SOX6: variants seen among roughly 807,000 people sequenced by gnomAD.
SOX6 encodes transcription factor SOX-6.
In SOX6, 11 loss-of-function variants were observed where a neutral mutation model predicts 97.8. That is an observed-to-expected ratio of 0.11 (90% confidence interval 0.07 to 0.19). SOX6 has a LOEUF of 0.19. Among genes scored for constraint, SOX6 ranks in the 10% least tolerant of loss-of-function variants. The pLI is 1.00. For synonymous variants in SOX6, 360 were observed against 371.4 expected (o/e 0.97, Z 0.35); for missense variants, 810 against 1,039.5 (o/e 0.78, Z 3.04).
At chr11:16,587,143 T>C (rs1185380292) in intron 4 of SOX6, among the ~76,000 whole-genome samples, 1 of 152,198 alleles carries the variant, frequency 6.6e-6, no homozygotes, top group Non-Finnish European at 1.5e-5. Flanking sequence ...GGTCTGTAGA[T>C]TACCTGGGGA....
intron 4 of SOX6, among the ~76,000 whole-genome samples, chr11:16,539,435 C>T (rs1008019193): frequency 6.6e-6 from 1 of 151,964 alleles, no homozygotes; most frequent in African/African-American, 2.4e-5. Flanking sequence ...CAAATAAATT[C>T]AAAAGCTAGC....
chr11:16,522,367 A>G (rs547315856), intron 4 of SOX6, among the ~76,000 whole-genome samples: 1 of 152,286 alleles, frequency 6.6e-6, no homozygotes, highest in East Asian at 1.9e-4. Context: ...AGAATTTCAT[A>G]TCCAGCCAAA....
Position 15,966,715 on chromosome 11 carries a change from G to C in SOX6, c.*6094C>G, listed in dbSNP as rs992574103. On this transcript the variant is annotated 3_prime_UTR_variant, in exon 16 of 16. Transcript: ENST00000683767. ...TAAGGTGCCAACATACACCAGGATA[G>C]ATAAAGACAGTGTGTCTTTCAATTT... The C allele has an allele frequency of 7.2e-5, 11 of 151,992 alleles. No individual in the cohort carries two copies. The highest frequency in any genetic ancestry group is 2.7e-4 in the African/African-American group (11 of 41,364). The allele number at this position is 151,992 out of a possible 1,614,324, so 9.4% of individuals were successfully genotyped here.
chr11:16,569,771 A>G (rs933355576), intron 4 of SOX6, among the ~76,000 whole-genome samples: 1 of 150,820 alleles, frequency 6.6e-6, no homozygotes, highest in Non-Finnish European at 1.5e-5. Context: ...CGGGAGGCTG[A>G]GGCAAGAGAA....
In SOX6 at chr11:16,573,009, C is replaced by A. The variant is rs1446637569; in HGVS notation, n.609+39072G>T. 2.0e-5 allele frequency among the ~76,000 whole-genome samples: 3 copies of A among 152,168 alleles called. No individual in the cohort carries two copies. In the East Asian group the frequency reaches 5.8e-4, roughly 29 times the overall value. ...GATCATATATATATTTAATTCCATT[C>A]TTTAAAATTTCAGTAGACAACTTCA... On this transcript the variant is annotated intron_variant and non_coding_transcript_variant, in intron 4 of 5. Coordinates refer to the SOX6 transcript ENST00000524520.
chr11:16,099,452 GA>G (rs199731781), intron 7 of SOX6, among the ~76,000 whole-genome samples: 1,836 of 151,510 alleles, frequency 0.012, 36 homozygotes, highest in African/African-American at 0.041. Context: ...AAAAATAGGG[GA>G]AAAAAATCAC....
At chr11:16,045,860 G>A (rs1036487078) in intron 12 of SOX6, among the ~76,000 whole-genome samples, 9 of 151,858 alleles carry the variant, frequency 5.9e-5, no homozygotes, top group Non-Finnish European at 1.3e-4. Context: ...TTTTTCTCAC[G>A]GCATTTATTG....
chr11:16,506,008 T>A (rs746315972), intron 4 of SOX6, among the ~76,000 whole-genome samples: 1 of 152,224 alleles, frequency 6.6e-6, no homozygotes, highest in Non-Finnish European at 1.5e-5. Flanking sequence ...TAGGGCAGCA[T>A]GGATGCAAAA....
intron 15 of SOX6, among the ~76,000 whole-genome samples, chr11:15,979,058 TATATATAA>T (rs1027130937): frequency 4.3e-5 from 6 of 140,094 alleles, no homozygotes; most frequent in African/African-American, 1.6e-4. Context: ...TATATATATA[TATATATAA>T]AACTGCTTAT....
At chr11:16,329,667 T>G (rs919481046) in intron 2 of SOX6, among the ~76,000 whole-genome samples, 20 of 152,252 alleles carry the variant, frequency 1.3e-4, no homozygotes, top group African/African-American at 4.8e-4. Flanking sequence ...CAAAGAGTTG[T>G]GGGAATTAAA....
chr11:16,424,584 G>A (rs1483228590), intron 1 of SOX6, among the ~76,000 whole-genome samples: 2 of 152,162 alleles, frequency 1.3e-5, no homozygotes, highest in Non-Finnish European at 2.9e-5. Context: ...AACAGAGATG[G>A]AACATTTCTT....
intron 3 of SOX6, among the ~76,000 whole-genome samples, chr11:16,707,469 C>T (rs1418559863): frequency 6.6e-6 from 1 of 151,786 alleles, no homozygotes; most frequent in African/African-American, 2.4e-5. Flanking sequence ...GTTTTGAATT[C>T]TTTTTCTCTG....
At chr11:16,189,031 C>G (rs1474447026) in intron 4 of SOX6, among the ~76,000 whole-genome samples, 1 of 152,058 alleles carries the variant, frequency 6.6e-6, no homozygotes. Context: ...CCACTGCACT[C>G]CAGCCTGGGT....
intron 4 of SOX6, among the ~76,000 whole-genome samples, chr11:16,198,950 G>A (rs1851862441): frequency 6.6e-6 from 1 of 152,084 alleles, no homozygotes; most frequent in Admixed American, 6.5e-5. Context: ...TACTTCCTAC[G>A]TGTCAGCTCC....
chr11:16,427,329 C>CT (rs57515414), intron 1 of SOX6, among the ~76,000 whole-genome samples: 141,847 of 146,034 alleles, frequency 0.97, 68,894 homozygotes, highest in East Asian at 0.99. Flanking sequence ...ATGCACTTTT[C>CT]TTTTTTTTTT....
chr11:16,326,842 C>T (rs1856109675), intron 2 of SOX6, among the ~76,000 whole-genome samples: 1 of 152,178 alleles, frequency 6.6e-6, no homozygotes, highest in African/African-American at 2.4e-5. Context: ...ACAGTTAAGT[C>T]AGTGGCTAAG....
At chr11:15,979,467 G>A (rs1853598895) in intron 15 of SOX6, among the ~76,000 whole-genome samples, 2 of 152,008 alleles carry the variant, frequency 1.3e-5, no homozygotes, top group African/African-American at 4.8e-5. Flanking sequence ...TAAGTCATAT[G>A]AAAGCATTCC....
At chr11:16,544,485 C>T (rs1847591624) in intron 4 of SOX6, among the ~76,000 whole-genome samples, 1 of 152,096 alleles carries the variant, frequency 6.6e-6, no homozygotes, top group South Asian at 2.1e-4. Flanking sequence ...GTCTCAAACT[C>T]CTGGACTCAA....
intron 3 of SOX6, among the ~76,000 whole-genome samples, chr11:16,246,018 T>C (rs542036177): frequency 6.6e-6 from 1 of 150,996 alleles, no homozygotes; most frequent in Admixed American, 6.6e-5. Context: ...TTAATTATTA[T>C]TTTTTTTAGA....
Sources: allele counts gnomAD v4.1 joint callset (sites outside exome capture counted in the v4.1 genomes callset), GRCh38; gene constraint gnomAD v4.1.1; transcripts MANE v1.5; gene names NCBI Gene and HGNC (gene_info 2026-07-23, HGNC 2026-07-21).